GTPBP6: variants seen among roughly 807,000 people sequenced by gnomAD.
GTPBP6 encodes GTP binding protein 6.
GTPBP6 carries 33 observed loss-of-function variants against 28.9 expected under a neutral mutation model. The observed-to-expected ratio is 1.14, with a 90% CI of 0.87 to 1.53. The LOEUF is 1.53. GTPBP6 is among the 40% of genes most tolerant of loss of function. The pLI, the probability that GTPBP6 is intolerant of heterozygous loss-of-function variation, is 0.00. For missense variants in GTPBP6, 507 were observed against 408.3 expected (o/e 1.24, Z -2.08); for synonymous variants, 231 against 192.7 (o/e 1.20, Z -1.65).
intron 7 of GTPBP6, among the ~76,000 whole-genome samples, chrX:311,140 C>T (rs993667237): frequency 1.7e-4 from 22 of 129,312 alleles, no homozygotes; most frequent in African/African-American, 6.1e-4. Context: ...GCTTGGGGGA[C>T]ACTAAGTCTG....
chrX:305,240 A>C, intron 9 of GTPBP6, 43 bp from the exon 10 acceptor site: 1 of 1,413,884 alleles, frequency 7.1e-7, no homozygotes, highest in Non-Finnish European at 1.0e-6. Flanking sequence ...CAGAACCCGT[A>C]AGTATTTGCT....
exon 8 of GTPBP6, chrX:307,774 T>G: frequency 6.5e-7 from 1 of 1,532,608 alleles, no homozygotes; most frequent in Non-Finnish European, 8.8e-7. Context: ...CACCATGGAG[T>G]CCAGGAGCGG....
chrX:312,766 C>T (rs777223532), exon 6 of GTPBP6: 40 of 1,610,580 alleles, frequency 2.5e-5, no homozygotes, highest in East Asian at 4.5e-5. Context: ...GCGTGCTCAC[C>T]GCAGTTGGTG....
At chrX:316,697 T>G (rs2070446475) in intron 2 of GTPBP6, among the ~76,000 whole-genome samples, 1 of 152,028 alleles carries the variant, frequency 6.6e-6, no homozygotes, top group Non-Finnish European at 1.5e-5. Context: ...CCAGTTTAAG[T>G]CTCTCCAGGG....
chrX:311,361 C>A lies in GTPBP6; in HGVS notation c.1125+58G>T. 6.7e-6 allele frequency: 8 copies of A among 1,201,982 alleles called. No homozygotes were observed. The East Asian group carries it at 1.0e-4, about 15-fold the overall frequency. 74.5% of individuals were successfully genotyped at this position (1,201,982 alleles called of 1,614,324 possible). On this transcript the variant is annotated intron_variant, in intron 7 of 9. Coordinates refer to ENST00000326153, the Ensembl canonical transcript of GTPBP6. The stretch of plus-strand genomic sequence containing the variant: ...CCCCTGGCTGTGTGTGTCTGAGTGC[C>A]CAGCCCCCGTGCCGAATGGGTGTCC...
At chrX:312,471 T>C (rs1279120649) in intron 6 of GTPBP6, 7 of 527,296 alleles carry the variant, frequency 1.3e-5, no homozygotes, top group Non-Finnish European at 2.4e-5. Flanking sequence ...GGAGGGGAGA[T>C]TGTGGTATAG....
At chrX:316,973 G>C (rs1261243637) in exon 2 of GTPBP6, 1 of 398,566 alleles carries the variant, frequency 2.5e-6, no homozygotes, top group Non-Finnish European at 4.4e-6. Context: ...CGTTTTGGTG[G>C]ACACGACCAT....
At chrX:307,370 C>G in exon 9 of GTPBP6, 1 of 1,612,216 alleles carries the variant, frequency 6.2e-7, no homozygotes. Flanking sequence ...CTGAGCTGCG[C>G]CCCTGCGAGC....
At chrX:307,422 A>G in exon 9 of GTPBP6, 5 of 1,612,568 alleles carry the variant, frequency 3.1e-6, no homozygotes, top group Non-Finnish European at 4.2e-6. Context: ...TCGCCTTCAA[A>G]ACCGCCGCAT....
At chrX:310,406 C>T (rs1314098444) in intron 7 of GTPBP6, among the ~76,000 whole-genome samples, 2 of 124,612 alleles carry the variant, frequency 1.6e-5, no homozygotes, top group South Asian at 2.5e-4. Flanking sequence ...TCCCCTAGAG[C>T]CTCCAGAAGG....
chrX:308,504 G>A (rs1349019841), intron 7 of GTPBP6, among the ~76,000 whole-genome samples: 1 of 151,972 alleles, frequency 6.6e-6, no homozygotes, highest in Non-Finnish European at 1.5e-5. Flanking sequence ...AAGAGAGTGA[G>A]GCCGTTTCTA....
At position 318,467 on chromosome X, in the gene GTPBP6, C is replaced by T. The variant is rs2070481346; in HGVS notation, c.321G>A (p.Trp107Ter). The change falls in exon 1 of 10, where the codon TGG becomes TGA. Residue 107 changes from tryptophan to a stop codon, truncating the protein, a stop_gained. Coordinates refer to ENST00000326153, the Ensembl canonical transcript of GTPBP6. LOFTEE classifies it high-confidence loss of function. Reference sequence around the variant, plus strand: ...GAGTCATCTGCGACTTCCCCGGGCCCCACTTGACGTCAGGGTGAACCAGAC... The same window carrying T: ...GAGTCATCTGCGACTTCCCCGGGCCTCACTTGACGTCAGGGTGAACCAGAC... 2.5e-6 allele frequency: 1 copy of T among 398,470 alleles called. No individual in the cohort carries two copies. The highest frequency in any genetic ancestry group is 1.3e-4 in the South Asian group (1 of 7,890). The allele number at this position is 398,470 out of a possible 1,614,324, so 24.7% of individuals were successfully genotyped here. A position where few individuals can be genotyped will look rare whatever the true frequency, so the allele number is the denominator to read the frequency against.
exon 10 of GTPBP6, chrX:305,099 T>A (rs1266202423): frequency 6.2e-7 from 1 of 1,613,268 alleles, no homozygotes; most frequent in Non-Finnish European, 8.5e-7. Context: ...CTTCCGGAAT[T>A]TGCCGTAGGC....
chrX:311,858 T>TC (rs2070307993), intron 6 of GTPBP6: 1 of 603,382 alleles, frequency 1.7e-6, no homozygotes, highest in Admixed American at 2.8e-5. Flanking sequence ...ACGGGGGAGA[T>TC]GGTGGTGTGG....
intron 6 of GTPBP6, 161 bp downstream of exon 6, chrX:312,604 AC>A: frequency 1.3e-6 from 1 of 760,796 alleles, no homozygotes; most frequent in South Asian, 1.5e-5. Flanking sequence ...CAGCTGGTGT[AC>A]CCCACACGGC....
At chrX:317,837 C>T (rs2070468795) in intron 1 of GTPBP6, among the ~76,000 whole-genome samples, 1 of 147,528 alleles carries the variant, frequency 6.8e-6, no homozygotes, top group Non-Finnish European at 1.5e-5. Context: ...CACGCACCTC[C>T]ACCAATGATA....
chrX:305,092 C>T (rs1294550131), exon 10 of GTPBP6: 1 of 1,613,250 alleles, frequency 6.2e-7, no homozygotes, highest in Non-Finnish European at 8.5e-7. Context: ...GAAAGAGCTT[C>T]CGGAATTTGC....
At chrX:312,380 T>C (rs1287518224) in intron 6 of GTPBP6, 1 of 486,950 alleles carries the variant, frequency 2.1e-6, no homozygotes, top group Non-Finnish European at 4.0e-6. Flanking sequence ...GAGGTGATGG[T>C]GTAGATGGGT....
At chrX:304,872 CG>C (rs2070119899) in exon 10 of GTPBP6, 4 of 1,434,938 alleles carry the variant, frequency 2.8e-6, no homozygotes, top group Non-Finnish European at 3.7e-6. Context: ...AGTGGACGCT[CG>C]GGCGGCCCGC....
Sources: gnomAD v4.1 joint callset for allele counts (sites outside exome capture counted in the v4.1 genomes callset) on GRCh38, gnomAD v4.1.1 for gene constraint, MANE v1.5 for transcripts, NCBI Gene and HGNC (gene_info 2026-07-23, HGNC 2026-07-21) for gene names.